The following NR2C2 variants were observed in gnomAD, a reference collection of about 807,000 sequenced individuals.
NR2C2 encodes the protein Nuclear hormone receptor TR4.
Under a neutral mutation model 62.9 loss-of-function variants are expected in NR2C2, and 6 were observed. That is an observed-to-expected ratio of 0.10 (90% CI 0.05 to 0.19). The LOEUF is 0.19. NR2C2 is among the 10% of genes least tolerant of loss of function. The probability of loss-of-function intolerance (pLI) is 1.00; values close to 1 mark genes in which losing one functional copy is unlikely to be tolerated. For synonymous variants in NR2C2, 272 were observed against 273.8 expected (o/e 0.99, Z 0.07); for missense variants, 479 against 762.7 (o/e 0.63, Z 4.38).
chr3:15,022,881 A>G (rs914546533), intron 5 of NR2C2, among the ~76,000 whole-genome samples: 4 of 152,186 alleles, frequency 2.6e-5, no homozygotes, highest in African/African-American at 4.8e-5. Flanking sequence ...AAATAATAAC[A>G]TAAAATAATA....
At chr3:14,995,889 G>A (rs932238096) in intron 1 of NR2C2, among the ~76,000 whole-genome samples, 1 of 152,016 alleles carries the variant, frequency 6.6e-6, no homozygotes, top group African/African-American at 2.4e-5. Context: ...GGTGTGAAGT[G>A]GTATCTTATT....
At chr3:14,982,076 G>C (rs1466578740) in intron 1 of NR2C2, among the ~76,000 whole-genome samples, 1 of 152,020 alleles carries the variant, frequency 6.6e-6, no homozygotes. Context: ...GTCCAATCAG[G>C]TTGACACTTA....
intron 1 of NR2C2, among the ~76,000 whole-genome samples, chr3:14,977,062 C>T (rs376592838): frequency 2.0e-5 from 3 of 151,254 alleles, no homozygotes; most frequent in African/African-American, 7.3e-5. Context: ...TAGATAATTT[C>T]TTCCCTCAGT....
At chr3:15,037,209 T>TTGTGTGTGTGTGTGTG (rs373045181) in intron 11 of NR2C2, among the ~76,000 whole-genome samples, 1 of 130,240 alleles carries the variant, frequency 7.7e-6, no homozygotes, top group African/African-American at 3.0e-5. Context: ...TGTTTTTTGT[T>TTGTGTGTGTGTGTGTG]TGTGTGTGTG....
chr3:15,014,398 A>G (rs11716145), intron 3 of NR2C2, among the ~76,000 whole-genome samples: 18,853 of 152,068 alleles, frequency 0.12, 1,416 homozygotes, highest in Non-Finnish European at 0.17. Context: ...CCCAACAATT[A>G]GAGAACAGAA....
intron 9 of NR2C2, 34 bp from the exon 10 acceptor site, chr3:15,032,345 T>C (rs2042001492): frequency 6.2e-7 from 1 of 1,613,958 alleles, no homozygotes; most frequent in East Asian, 2.2e-5. Flanking sequence ...TGTCCTTCCT[T>C]CACCTCCTGT....
At chr3:14,949,648 C>T (rs960471142) in intron 1 of NR2C2, among the ~76,000 whole-genome samples, 2 of 152,216 alleles carry the variant, frequency 1.3e-5, no homozygotes, top group Non-Finnish European at 2.9e-5. Context: ...CTCTTATATA[C>T]ATTTTCAGTT....
chr3:14,981,871 G>A (rs1220851578), intron 1 of NR2C2, among the ~76,000 whole-genome samples: 1 of 152,192 alleles, frequency 6.6e-6, no homozygotes, highest in African/African-American at 2.4e-5. Context: ...GAAAGATGGA[G>A]GCCAGAAGAC....
At chr3:14,979,759 G>GTCCC (rs2040310940) in intron 1 of NR2C2, among the ~76,000 whole-genome samples, 2 of 152,066 alleles carry the variant, frequency 1.3e-5, no homozygotes, top group Admixed American at 1.3e-4. Flanking sequence ...GAGGAAGAAG[G>GTCCC]TCATAGGAGA....
intron 7 of NR2C2, among the ~76,000 whole-genome samples, chr3:15,024,425 A>AT (rs2125034595): frequency 6.6e-6 from 1 of 152,328 alleles, no homozygotes; most frequent in Non-Finnish European, 1.5e-5. Context: ...AATCACTGTA[A>AT]CATGTCAGTC....
intron 3 of NR2C2, among the ~76,000 whole-genome samples, chr3:15,015,124 C>T (rs1270613473): frequency 1.3e-5 from 2 of 152,218 alleles, no homozygotes; most frequent in African/African-American, 4.8e-5. Flanking sequence ...AGAATTCCTT[C>T]CTCCTCCTTT....
At chr3:15,009,918 A>G (rs1306180155) in intron 2 of NR2C2, among the ~76,000 whole-genome samples, 1 of 152,040 alleles carries the variant, frequency 6.6e-6, no homozygotes, top group African/African-American at 2.4e-5. Context: ...GCATCACTCC[A>G]ATCTCTGCCT....
At chr3:15,034,038 G>A (rs1358307900) in intron 10 of NR2C2, among the ~76,000 whole-genome samples, 1 of 152,158 alleles carries the variant, frequency 6.6e-6, no homozygotes, top group Non-Finnish European at 1.5e-5. Flanking sequence ...CAGTTTCTCC[G>A]GCCTCCTGAA....
At chr3:14,996,103 C>T (rs1228833838) in intron 1 of NR2C2, among the ~76,000 whole-genome samples, 1 of 152,148 alleles carries the variant, frequency 6.6e-6, no homozygotes, top group Non-Finnish European at 1.5e-5. Flanking sequence ...GAATTATTTT[C>T]TCCCATTGTA....
chr3:15,040,178 C>A lies in NR2C2; in HGVS notation c.1616+951C>A, dbSNP rs867203294. ...CCTTCTCAAAAAACAAAAAAAAAAA[C>A]AACAAAAAAAAACCCTTTCTCGTGC... On this transcript the variant is annotated intron_variant, in intron 13 of 13. Transcript: ENST00000425241. Among the ~76,000 whole-genome samples the A allele has an allele frequency of 8.2e-4, 121 of 146,680 alleles. 1 individual carries two copies. Among genetic ancestry groups the A allele is most frequent in the African/African-American group, 2.6e-3 (105 of 40,594 alleles).
chr3:15,030,843 A>G (rs1376948444), intron 9 of NR2C2, among the ~76,000 whole-genome samples: 2 of 152,136 alleles, frequency 1.3e-5, no homozygotes, highest in African/African-American at 4.8e-5. Flanking sequence ...AAATAAATAA[A>G]TAAAAATTAA....
intron 11 of NR2C2, among the ~76,000 whole-genome samples, chr3:15,036,974 T>C (rs2042118692): frequency 6.6e-6 from 1 of 150,738 alleles, no homozygotes; most frequent in Non-Finnish European, 1.5e-5. Context: ...ATACAAAAAT[T>C]AGCCTGACAT....
At chr3:14,960,058 A>G (rs1366061047) in intron 1 of NR2C2, among the ~76,000 whole-genome samples, 1 of 152,202 alleles carries the variant, frequency 6.6e-6, no homozygotes, top group East Asian at 1.9e-4. Flanking sequence ...CAATTTGCAG[A>G]TGGATTGAGG....
chr3:14,962,826 A>T (rs1377995399), intron 1 of NR2C2, among the ~76,000 whole-genome samples: 5 of 152,150 alleles, frequency 3.3e-5, no homozygotes, highest in Non-Finnish European at 7.4e-5. Context: ...TTCTTCGTTA[A>T]TATTATGGAA....
Sources: gnomAD v4.1 joint callset for allele counts (sites outside exome capture counted in the v4.1 genomes callset) on GRCh38, gnomAD v4.1.1 for gene constraint, MANE v1.5 for transcripts, NCBI Gene and HGNC (gene_info 2026-07-23, HGNC 2026-07-21) for gene names.